AP3B1: variants seen among roughly 807,000 people sequenced by gnomAD.
AP3B1 encodes AP-3 complex subunit beta-1.
A neutral mutation model predicts 132.5 loss-of-function variants in AP3B1; 61 were observed. The observed-to-expected ratio is 0.46, with a 90% CI of 0.37 to 0.57. The LOEUF is 0.57. AP3B1 is among the 20% of genes least tolerant of loss of function. The pLI is 0.00. For synonymous variants in AP3B1, 388 were observed against 438.3 expected (o/e 0.89, Z 1.43); for missense variants, 1,120 against 1,289.4 (o/e 0.87, Z 2.01).
intron 17 of AP3B1, 49 bp from the exon 18 acceptor site, chr5:78,116,283 T>A: frequency 6.6e-7 from 1 of 1,515,128 alleles, no homozygotes; most frequent in East Asian, 2.3e-5. Context: ...TTCAGAGATT[T>A]AGAGTTCTGG....
intron 7 of AP3B1, among the ~76,000 whole-genome samples, chr5:78,198,411 A>G (rs987047647): frequency 7.9e-5 from 12 of 152,194 alleles, no homozygotes. Context: ...AAAGTCCAAG[A>G]TCAAGGGGCA....
intron 3 of AP3B1, among the ~76,000 whole-genome samples, chr5:78,238,541 C>G (rs1426377749): frequency 6.6e-6 from 1 of 152,008 alleles, no homozygotes; most frequent in Non-Finnish European, 1.5e-5. Flanking sequence ...TCCTAGGCTA[C>G]AAATCTGTAC....
At chr5:78,291,261 G>C (rs1353268355) in intron 1 of AP3B1, among the ~76,000 whole-genome samples, 1 of 152,094 alleles carries the variant, frequency 6.6e-6, no homozygotes, top group Non-Finnish European at 1.5e-5. Context: ...CCAAAGAGCA[G>C]AACAGCAGAG....
chr5:78,017,829 T>C (rs2112059072), intron 25 of AP3B1, among the ~76,000 whole-genome samples: 1 of 152,158 alleles, frequency 6.6e-6, no homozygotes, highest in South Asian at 2.1e-4. Context: ...GTAGGCTAAA[T>C]AATTTGTGGC....
chr5:78,266,087 G>A (rs1436925047), intron 2 of AP3B1, among the ~76,000 whole-genome samples: 1 of 148,558 alleles, frequency 6.7e-6, no homozygotes, highest in Admixed American at 6.7e-5. Context: ...CATGGATCAT[G>A]ATACATGTTT....
intron 2 of AP3B1, among the ~76,000 whole-genome samples, chr5:78,264,612 T>A (rs761256625): frequency 3.9e-5 from 6 of 152,138 alleles, no homozygotes; most frequent in Non-Finnish European, 5.9e-5. Flanking sequence ...TTTAAACAAT[T>A]TCCAACCCAA....
At chr5:78,095,671 TA>T (rs1561401911) in intron 21 of AP3B1, among the ~76,000 whole-genome samples, 2 of 152,342 alleles carry the variant, frequency 1.3e-5, no homozygotes, top group East Asian at 3.9e-4. Context: ...TTTGTCCTGT[TA>T]TCTGTGTCTC....
At chr5:78,207,360 G>A (rs558836368) in intron 7 of AP3B1, among the ~76,000 whole-genome samples, 7 of 151,792 alleles carry the variant, frequency 4.6e-5, no homozygotes, top group African/African-American at 9.7e-5. Context: ...CTGGAAGGGC[G>A]AAGCTGCAAT....
At chr5:78,130,598 C>T (rs1378600708) in intron 15 of AP3B1, among the ~76,000 whole-genome samples, 1 of 151,992 alleles carries the variant, frequency 6.6e-6, no homozygotes, top group Non-Finnish European at 1.5e-5. Context: ...GGTTCAAGTA[C>T]AGGTAAGAAA....
intron 21 of AP3B1, among the ~76,000 whole-genome samples, chr5:78,093,319 A>G (rs1321195351): frequency 2.0e-5 from 3 of 152,178 alleles, no homozygotes; most frequent in East Asian, 3.9e-4. Flanking sequence ...TTGGCCTCCA[A>G]AGTGCTAGAT....
At chr5:78,124,680 T>G (rs1227506249) in intron 17 of AP3B1, among the ~76,000 whole-genome samples, 1 of 152,236 alleles carries the variant, frequency 6.6e-6, no homozygotes, top group Non-Finnish European at 1.5e-5. Flanking sequence ...GATGCTTATA[T>G]AAGATCAGCA....
At chr5:78,218,199 A>G (rs532014483) in intron 6 of AP3B1, among the ~76,000 whole-genome samples, 16 of 152,232 alleles carry the variant, frequency 1.1e-4, no homozygotes, top group Admixed American at 9.2e-4. Flanking sequence ...AGGAAAATTA[A>G]TAATTTTGGT....
At chr5:78,088,551 G>A (rs1419834489) in intron 22 of AP3B1, among the ~76,000 whole-genome samples, 2 of 151,958 alleles carry the variant, frequency 1.3e-5, no homozygotes, top group African/African-American at 4.8e-5. Context: ...CCCACTTTTG[G>A]CAGAAGCAGC....
At chr5:78,283,658 C>T (rs1749153641) in intron 1 of AP3B1, among the ~76,000 whole-genome samples, 1 of 152,136 alleles carries the variant, frequency 6.6e-6, no homozygotes, top group South Asian at 2.1e-4. Flanking sequence ...TCTAACTGCT[C>T]AACGAATGCC....
chr5:78,227,528 G>A lies in AP3B1; in HGVS notation c.380C>T (p.Pro127Leu). The A allele has an allele frequency of 6.2e-7, 1 of 1,613,476 alleles. No individual in the cohort carries two copies. The highest frequency in any genetic ancestry group is 8.5e-7 in the Non-Finnish European group (1 of 1,179,658). ...AGCGCTTGCACGAATTAGTTGGTTT[G>A]GGTCCTAAAAATAGTGCAAAAATAT... is the stretch of plus-strand genomic sequence containing the variant. ...ISTFQRALKD[P>L]NQLIRASALR... Residue 127 changes from proline to leucine, a missense_variant, in exon 5 of 27, where the codon CCA becomes CTA. By Grantham distance (98) the Pro-to-Leu change is moderately conservative. Around this residue, in one of 3 missense-constraint regions of AP3B1, gnomAD observed 129 missense variants for 212.4 expected, o/e 0.61. Transcript: ENST00000255194.
At chr5:78,135,842 G>A (rs553124758) in intron 15 of AP3B1, among the ~76,000 whole-genome samples, 4 of 151,912 alleles carry the variant, frequency 2.6e-5, no homozygotes, top group Non-Finnish European at 5.9e-5. Context: ...CTATTTCAAC[G>A]AACTCATGCT....
chr5:78,258,969 G>A (rs1185642612), intron 2 of AP3B1, among the ~76,000 whole-genome samples: 1 of 152,184 alleles, frequency 6.6e-6, no homozygotes, highest in East Asian at 1.9e-4. Context: ...CGGGCACGGT[G>A]GCTCATGCCT....
At chr5:78,211,130 G>A (rs1484415373) in intron 7 of AP3B1, among the ~76,000 whole-genome samples, 1 of 152,084 alleles carries the variant, frequency 6.6e-6, no homozygotes, top group Non-Finnish European at 1.5e-5. Context: ...TTTATAAAAT[G>A]TCGTGCCCTA....
At chr5:78,161,415 G>C (rs1185124375) in intron 13 of AP3B1, among the ~76,000 whole-genome samples, 1 of 151,922 alleles carries the variant, frequency 6.6e-6, no homozygotes, top group Non-Finnish European at 1.5e-5. Context: ...GTAAGCCTTG[G>C]TTCATAATCT....
Sources: gnomAD v4.1 joint callset for allele counts (sites outside exome capture counted in the v4.1 genomes callset) on GRCh38, gnomAD v4.1.1 for gene constraint, gnomAD v4.1.1 regional missense constraint, MANE v1.5 for transcripts, NCBI Gene and HGNC (gene_info 2026-07-23, HGNC 2026-07-21) for gene names.